Variants in SLC30A8 observed in about 807,000 individuals in gnomAD.
The protein encoded by SLC30A8 is solute carrier family 30 member 8.
A neutral mutation model predicts 36.9 loss-of-function variants in SLC30A8; 27 were observed. The observed-to-expected ratio is 0.73, with a 90% confidence interval of 0.54 to 1.01. The LOEUF (loss-of-function observed/expected upper bound fraction) is 1.01, where lower values mean the gene tolerates loss of function less well. SLC30A8 is among the 50% of genes least tolerant of loss of function. The pLI, the probability that SLC30A8 is intolerant of heterozygous loss-of-function variation, is 0.00. For missense variants in SLC30A8, 439 were observed against 452.0 expected (o/e 0.97, Z 0.26); for synonymous variants, 164 against 172.4 (o/e 0.95, Z 0.38).
chr8:116,981,452 AG>A (rs943369533), intron 1 of SLC30A8, among the ~76,000 whole-genome samples: 4 of 152,166 alleles, frequency 2.6e-5, no homozygotes, highest in African/African-American at 9.7e-5. Flanking sequence ...GTACGTGTGT[AG>A]GTTTGTTATA....
At chr8:116,973,352 T>C (rs1469898746) in intron 1 of SLC30A8, among the ~76,000 whole-genome samples, 1 of 152,160 alleles carries the variant, frequency 6.6e-6, no homozygotes, top group Non-Finnish European at 1.5e-5. Context: ...TTTATGCAAC[T>C]TCTAGGTCAC....
chr8:117,149,063 A>G (rs558417025), intron 2 of SLC30A8, among the ~76,000 whole-genome samples: 2 of 152,118 alleles, frequency 1.3e-5, no homozygotes, highest in Non-Finnish European at 2.9e-5. Context: ...TCGTGTTTTT[A>G]TCACGTTAAA....
intron 1 of SLC30A8, among the ~76,000 whole-genome samples, chr8:116,981,482 C>T (rs1815258203): frequency 6.6e-6 from 1 of 152,134 alleles, no homozygotes; most frequent in Admixed American, 6.5e-5. Context: ...TTGCATGTCA[C>T]AGGAGTTTAG....
At chr8:117,109,591 CGT>C (rs10531300) in intron 2 of SLC30A8, among the ~76,000 whole-genome samples, 23,294 of 151,992 alleles carry the variant, frequency 0.15, 1,869 homozygotes, top group East Asian at 0.21. Context: ...CTAAGAGCCC[CGT>C]GTATATTTTG....
intron 1 of SLC30A8, among the ~76,000 whole-genome samples, chr8:116,960,236 A>T (rs1023878273): frequency 6.6e-6 from 1 of 152,222 alleles, no homozygotes; most frequent in Admixed American, 6.5e-5. Context: ...AGGAGCTGTT[A>T]GTTTGTAAGG....
intron 6 of SLC30A8, among the ~76,000 whole-genome samples, chr8:117,167,056 C>T (rs1362058410): frequency 3.3e-5 from 5 of 151,628 alleles, no homozygotes; most frequent in Admixed American, 2.0e-4. Flanking sequence ...TCCTGAGTGC[C>T]GAATGCTGAG....
At chr8:117,128,846 C>T (rs1180138093) in intron 2 of SLC30A8, among the ~76,000 whole-genome samples, 1 of 151,934 alleles carries the variant, frequency 6.6e-6, no homozygotes, top group Non-Finnish European at 1.5e-5. Flanking sequence ...GTATCATTCA[C>T]TTTTTTTCTG....
chr8:116,986,406 G>T (rs567919060), intron 1 of SLC30A8, among the ~76,000 whole-genome samples: 1 of 152,270 alleles, frequency 6.6e-6, no homozygotes, highest in South Asian at 2.1e-4. Flanking sequence ...GCGGAGACAG[G>T]AGGTCACACT....
intron 2 of SLC30A8, among the ~76,000 whole-genome samples, chr8:117,058,102 T>C (rs1310582651): frequency 6.6e-6 from 1 of 152,194 alleles, no homozygotes; most frequent in Non-Finnish European, 1.5e-5. Context: ...CAAGAAGATA[T>C]CTCATTGTGG....
At chr8:117,016,746 A>G (rs1477756277) in intron 1 of SLC30A8, among the ~76,000 whole-genome samples, 1 of 152,194 alleles carries the variant, frequency 6.6e-6, no homozygotes, top group Non-Finnish European at 1.5e-5. Flanking sequence ...AAGAGAAAAC[A>G]TTTACCTCAT....
chr8:116,971,114 AAC>A (rs752527868), intron 1 of SLC30A8, among the ~76,000 whole-genome samples: 1 of 152,140 alleles, frequency 6.6e-6, no homozygotes, highest in Non-Finnish European at 1.5e-5. Context: ...CAACAACAAC[AAC>A]ACACACACAA....
chr8:116,977,040 A>C (rs1261491873), intron 1 of SLC30A8, among the ~76,000 whole-genome samples: 3 of 144,468 alleles, frequency 2.1e-5, no homozygotes. Context: ...GATTGTCTTG[A>C]TCTCTTGACC....
chr8:117,007,242 A>G (rs1206763933), intron 1 of SLC30A8: 1 of 152,048 alleles, frequency 6.6e-6, no homozygotes, highest in Non-Finnish European at 1.5e-5. Context: ...AGATGGTTAA[A>G]AAACATTTAT....
chr8:116,977,575 G>A (rs867317237), intron 1 of SLC30A8, among the ~76,000 whole-genome samples: 1 of 147,064 alleles, frequency 6.8e-6, no homozygotes, highest in Non-Finnish European at 1.5e-5. Flanking sequence ...GCAGTGGTGC[G>A]ATCTCTGCTC....
chr8:117,167,504 T>C lies in SLC30A8; in HGVS notation c.830-3530T>C, dbSNP rs28485973. On this transcript the variant is annotated intron_variant, in intron 6 of 7. Transcript: ENST00000456015. ...GCATATATATATATACATACATACATGTATATGTATATGTGTATGTGATGT... is the reference window on the plus strand; with the variant it reads ...GCATATATATATATACATACATACACGTATATGTATATGTGTATGTGATGT... Among the ~76,000 whole-genome samples the C allele has an allele frequency of 1.8e-4, 26 of 142,252 alleles. No individual in the cohort carries two copies. In the South Asian group the frequency reaches 3.8e-3, roughly 21 times the overall value. The allele number at this position is 142,252 out of a possible 152,430, so 93.3% of individuals were successfully genotyped here.
chr8:117,161,254 T>C (rs1822778623), intron 4 of SLC30A8, among the ~76,000 whole-genome samples: 1 of 152,236 alleles, frequency 6.6e-6, no homozygotes. Context: ...TGCACAAAAT[T>C]AGGTAAAATA....
chr8:117,014,342 C>A (rs1816440153), intron 1 of SLC30A8, among the ~76,000 whole-genome samples: 1 of 152,236 alleles, frequency 6.6e-6, no homozygotes, highest in Admixed American at 6.5e-5. Flanking sequence ...CAAATGAAGT[C>A]TTTACAAAGA....
chr8:117,001,211 T>TTA (rs1816000480), intron 1 of SLC30A8, among the ~76,000 whole-genome samples: 1 of 150,234 alleles, frequency 6.7e-6, no homozygotes, highest in Non-Finnish European at 1.5e-5. Flanking sequence ...GGGCTTTTTT[T>TTA]TTTTTTTTTT....
chr8:116,954,350 A>C (rs974728668), intron 1 of SLC30A8, among the ~76,000 whole-genome samples: 1 of 152,210 alleles, frequency 6.6e-6, no homozygotes, highest in Non-Finnish European at 1.5e-5. Context: ...TGGCAGTGGA[A>C]GAAATTAACT....
Sources: gnomAD v4.1 joint callset for allele counts (sites outside exome capture counted in the v4.1 genomes callset) on GRCh38, gnomAD v4.1.1 for gene constraint, MANE v1.5 for transcripts, NCBI Gene and HGNC (gene_info 2026-07-23, HGNC 2026-07-21) for gene names.